Variants in KPNA5 observed in about 807,000 individuals in gnomAD.
The protein encoded by KPNA5 is karyopherin subunit alpha 5.
Under a neutral mutation model 71.3 loss-of-function variants are expected in KPNA5, and 46 were observed. That is an observed-to-expected ratio of 0.65 (90% CI 0.51 to 0.83). KPNA5 has a LOEUF of 0.83. KPNA5 is among the 40% of genes least tolerant of loss of function. The pLI, the probability that KPNA5 is intolerant of heterozygous loss-of-function variation, is 0.00. For missense variants in KPNA5, 547 were observed against 628.3 expected (o/e 0.87, Z 1.38); for synonymous variants, 207 against 201.4 (o/e 1.03, Z -0.24).
rs1224701992 is a variant in KPNA5 at position 116,741,001 on chromosome 6, AAAAG to A, written c.*8682_*8685del. 1 of 151,374 alleles carries A rather than the reference AAAAG, an allele frequency of 6.6e-6. No individual in the cohort carries two copies. Among genetic ancestry groups the A allele is most frequent in the African/African-American group, 2.4e-5 (1 of 40,876 alleles). The allele number at this position is 151,374 out of a possible 1,614,324, so 9.4% of individuals were successfully genotyped here. On this transcript the variant is annotated 3_prime_UTR_variant, in exon 14 of 14. Transcript: ENST00000368564. ...CTGAAACTTAAAGTATAATAAAAAA[AAAAG>A]AAATGTACTTTTAAATTTCAGACCT...
intron 7 of KPNA5, among the ~76,000 whole-genome samples, chr6:116,715,928 A>G (rs1010547165): frequency 6.6e-6 from 1 of 151,796 alleles, no homozygotes; most frequent in Non-Finnish European, 1.5e-5. Flanking sequence ...AAAAAAAAGA[A>G]AAAGAAAAAT....
chr6:116,692,885 C>T (rs1288248704), intron 4 of KPNA5, among the ~76,000 whole-genome samples: 3 of 152,178 alleles, frequency 2.0e-5, no homozygotes, highest in Admixed American at 1.3e-4. Flanking sequence ...TCCCTCCTCC[C>T]TCCTCCCACC....
chr6:116,693,184 C>A (rs897372225), intron 4 of KPNA5, among the ~76,000 whole-genome samples: 1 of 152,178 alleles, frequency 6.6e-6, no homozygotes, highest in Non-Finnish European at 1.5e-5. Flanking sequence ...TGAATAGTGC[C>A]GCAATGAACA....
chr6:116,729,513 C>T, intron 12 of KPNA5, 50 bp from the exon 13 acceptor site: 1 of 1,226,438 alleles, frequency 8.2e-7, no homozygotes, highest in Non-Finnish European at 1.1e-6. Flanking sequence ...GTACTTAAGT[C>T]TTTTTAAATC....
chr6:116,681,419 G>A (rs1777349667), intron 1 of KPNA5, 81 bp downstream of exon 1: 1 of 1,474,550 alleles, frequency 6.8e-7, no homozygotes, highest in African/African-American at 1.5e-5. Flanking sequence ...TGGGGCCACG[G>A]TTTTTATTTA....
In KPNA5 at chr6:116,692,085, A is replaced by G. The variant is rs1266439034; in HGVS notation, c.169A>G (p.Arg57Gly). 1.1e-5 allele frequency: 18 copies of G among 1,612,652 alleles called. No homozygotes were observed. The highest frequency in any genetic ancestry group is 1.5e-5 in the Non-Finnish European group (18 of 1,178,866). Residue 57 changes from arginine (R) to glycine (G), a missense_variant, in exon 3 of 14, where the codon AGA becomes GGA. Transcript: ENST00000368564. ...CAAACGCAGAAATGTCTATTTGCCC[A>G]GAAATGATGAATCTATGCTTGAAAG... is the stretch of plus-strand genomic sequence containing the variant. Reference protein sequence around the residue: ...LFKRRNVYLPRNDESMLESPI... With the variant: ...LFKRRNVYLPGNDESMLESPI...
chr6:116,692,841 C>T (rs549943167), intron 4 of KPNA5, among the ~76,000 whole-genome samples: 96 of 152,172 alleles, frequency 6.3e-4, no homozygotes, highest in African/African-American at 2.2e-3. Context: ...CCCATTAACT[C>T]GTCATTTAAC....
At chr6:116,710,746 A>G (rs1001064461) in intron 7 of KPNA5, among the ~76,000 whole-genome samples, 4 of 150,680 alleles carry the variant, frequency 2.7e-5, no homozygotes, top group Admixed American at 2.0e-4. Context: ...TGTGTTTCTA[A>G]GTGGTTTTTC....
chr6:116,740,203 C>G lies in KPNA5; in HGVS notation c.*7880C>G, dbSNP rs375023600. The G allele has an allele frequency of 6.6e-6, 1 of 152,102 alleles. No homozygotes were observed. Among genetic ancestry groups the G allele is most frequent in the Admixed American group, 6.6e-5 (1 of 15,260 alleles). 9.4% of individuals were successfully genotyped at this position (152,102 alleles called of 1,614,324 possible). ...GTGAAGGACATGAACAGACACTTCT[C>G]AAAAGAAGACATTTATGCAGCCAAA... is the stretch of plus-strand genomic sequence containing the variant. On this transcript the variant is annotated 3_prime_UTR_variant, in exon 14 of 14. Coordinates refer to ENST00000368564, the MANE Select transcript of KPNA5 (RefSeq NM_001366306.2).
At chr6:116,686,060 A>T (rs1282633945) in intron 1 of KPNA5, among the ~76,000 whole-genome samples, 1 of 151,994 alleles carries the variant, frequency 6.6e-6, no homozygotes, top group Non-Finnish European at 1.5e-5. Context: ...ACGTGCCACC[A>T]TGCCTGGGTA....
rs1260926487 is a variant in KPNA5 at position 116,738,457 on chromosome 6, TCC to T, written c.*6135_*6136del. ...CTGGTACCATTCCTTCTGAAACTAT[TCC>T]AATCAATAGAAAAAGAGGGAATCCT... On this transcript the variant is annotated 3_prime_UTR_variant, in exon 14 of 14. Coordinates refer to ENST00000368564, the MANE Select transcript of KPNA5 (RefSeq NM_001366306.2). 2 of 152,018 alleles carry T rather than the reference TCC, an allele frequency of 1.3e-5. No homozygotes were observed. Among genetic ancestry groups the T allele is most frequent in the Non-Finnish European group, 2.9e-5 (2 of 68,012 alleles). The allele number at this position is 152,018 out of a possible 1,614,324, so 9.4% of individuals were successfully genotyped here.
Position 116,732,848 on chromosome 6 carries a change from T to C in KPNA5, c.*525T>C, listed in dbSNP as rs1335474025. On this transcript the variant is annotated 3_prime_UTR_variant, in exon 14 of 14. Coordinates refer to ENST00000368564, the MANE Select transcript of KPNA5 (RefSeq NM_001366306.2). ...TGAAAATATTTATTACCTTAAATTATACATATCACTGTGCTGTAGGTTATA... is the reference window on the plus strand; with the variant it reads ...TGAAAATATTTATTACCTTAAATTACACATATCACTGTGCTGTAGGTTATA... 1 of 151,946 alleles carries C rather than the reference T, an allele frequency of 6.6e-6. No individual in the cohort carries two copies. Among genetic ancestry groups the C allele is most frequent in the African/African-American group, 2.4e-5 (1 of 41,440 alleles). 9.4% of individuals were successfully genotyped at this position (151,946 alleles called of 1,614,324 possible). A position where few individuals can be genotyped will look rare whatever the true frequency, so the allele number is the denominator to read the frequency against.
rs1779644659 is a variant in KPNA5, at chr6:116,735,631, T to C, written c.*3308T>C. ...CTATATTAAAAATAATAAAATATTT[T>C]AAAATTGCATTTATATAAATGTGTC... On this transcript the variant is annotated 3_prime_UTR_variant, in exon 14 of 14. Coordinates refer to ENST00000368564, the MANE Select transcript of KPNA5 (RefSeq NM_001366306.2). 6.6e-6 allele frequency: 1 copy of C among 151,758 alleles called. No homozygotes were observed. The highest frequency in any genetic ancestry group is 1.5e-5 in the Non-Finnish European group (1 of 67,754). 9.4% of individuals were successfully genotyped at this position (151,758 alleles called of 1,614,324 possible).
chr6:116,720,361 G>A (rs747504148), intron 8 of KPNA5, among the ~76,000 whole-genome samples: 7 of 150,692 alleles, frequency 4.6e-5, no homozygotes, highest in Non-Finnish European at 2.9e-5. Flanking sequence ...GATTATTAAT[G>A]TCTACTGGCC....
chr6:116,704,949 TCTA>T (rs1392849358), intron 6 of KPNA5, 120 bp from the exon 7 acceptor site: 3 of 620,180 alleles, frequency 4.8e-6, no homozygotes, highest in Middle Eastern at 8.8e-4. Flanking sequence ...GTTTTTCTTT[TCTA>T]CTGTTTTTTT....
intron 7 of KPNA5, 92 bp from the exon 8 acceptor site, chr6:116,716,127 T>A: frequency 1.1e-6 from 1 of 896,096 alleles, no homozygotes; most frequent in Non-Finnish European, 1.7e-6. Context: ...GAATATCTTA[T>A]AAAATATATT....
chr6:116,681,393 G>A, intron 1 of KPNA5, 55 bp downstream of exon 1: 1 of 1,522,382 alleles, frequency 6.6e-7, no homozygotes. Flanking sequence ...TGGTCCCTTT[G>A]GGAACTACTA....
intron 13 of KPNA5, among the ~76,000 whole-genome samples, chr6:116,730,142 G>A (rs867193263): frequency 6.2e-4 from 91 of 146,128 alleles, no homozygotes; most frequent in African/African-American, 2.1e-3. Context: ...GCTGGAGTGC[G>A]GTGGTGTGGT....
chr6:116,701,899 C>A, intron 5 of KPNA5, 120 bp from the exon 6 acceptor site: 1 of 763,824 alleles, frequency 1.3e-6, no homozygotes, highest in Non-Finnish European at 2.0e-6. Context: ...CACAATGAAT[C>A]TTAATATAAG....
Sources: allele counts gnomAD v4.1 joint callset (sites outside exome capture counted in the v4.1 genomes callset), GRCh38; gene constraint gnomAD v4.1.1; transcripts MANE v1.5; gene names NCBI Gene and HGNC (gene_info 2026-07-23, HGNC 2026-07-21).